Variants in EEF2K observed in about 807,000 individuals in gnomAD.
The protein encoded by EEF2K is alternative protein EEF2K.
In EEF2K, 70 loss-of-function variants were observed where a neutral mutation model predicts 93.8. The observed-to-expected ratio is 0.75, with a 90% CI of 0.62 to 0.91. The LOEUF (loss-of-function observed/expected upper bound fraction) is 0.91. Ranked by LOEUF, EEF2K falls within the 40% of genes least tolerant of loss-of-function variation. The pLI, the probability that EEF2K is intolerant of heterozygous loss-of-function variation, is 0.00. For missense variants in EEF2K, 935 were observed against 972.9 expected (o/e 0.96, Z 0.52); for synonymous variants, 376 against 380.8 (o/e 0.99, Z 0.15).
chr16:22,239,914 C>T (rs2047203841), intron 2 of EEF2K, among the ~76,000 whole-genome samples: 2 of 152,018 alleles, frequency 1.3e-5, no homozygotes, highest in South Asian at 4.1e-4. Context: ...ACCATCCTGG[C>T]CAACATGGTG....
chr16:22,232,216 C>G (rs1456574777), intron 2 of EEF2K, among the ~76,000 whole-genome samples: 1 of 151,810 alleles, frequency 6.6e-6, no homozygotes, highest in Non-Finnish European at 1.5e-5. Context: ...CTTCAGAACC[C>G]AGCTTTAATT....
intron 1 of EEF2K, among the ~76,000 whole-genome samples, chr16:22,210,694 C>T (rs1190942125): frequency 6.6e-6 from 1 of 152,126 alleles, no homozygotes; most frequent in African/African-American, 2.4e-5. Context: ...GCGACTAACT[C>T]CTGGGGTTCA....
chr16:22,226,003 C>G, intron 2 of EEF2K, 28 bp downstream of exon 2: 1 of 1,610,382 alleles, frequency 6.2e-7, no homozygotes, highest in Non-Finnish European at 8.5e-7. Flanking sequence ...TCCACCTTCC[C>G]CACCTGGCTT....
chr16:22,283,474 G>A lies in EEF2K; in HGVS notation c.2069-413G>A, dbSNP rs114267447. Among the ~76,000 whole-genome samples the A allele has an allele frequency of 5.4e-3, 825 of 152,124 alleles. 8 individuals carry two copies. Among genetic ancestry groups the A allele is most frequent in the African/African-American group, 0.019 (774 of 41,490 alleles). ...GCTGACATGAAGCTGTTTGTAAGTC[G>A]TTATTTCTTCCACTTTTGCACATCC... On this transcript the variant is annotated intron_variant, in intron 17 of 17. Transcript: ENST00000263026.
intron 6 of EEF2K, 54 bp downstream of exon 6, chr16:22,251,376 G>A: frequency 6.3e-7 from 1 of 1,583,366 alleles, no homozygotes; most frequent in Non-Finnish European, 8.6e-7. Flanking sequence ...TGGGCACAGT[G>A]TCTGGGAAAG....
At chr16:22,247,520 A>T (rs1278612592) in intron 3 of EEF2K, among the ~76,000 whole-genome samples, 1 of 152,074 alleles carries the variant, frequency 6.6e-6, no homozygotes, top group Admixed American at 6.6e-5. Context: ...TTATGGAATG[A>T]GACCCTCATT....
intron 16 of EEF2K, among the ~76,000 whole-genome samples, chr16:22,277,831 G>A (rs1458556652): frequency 1.3e-5 from 2 of 151,250 alleles, no homozygotes; most frequent in Non-Finnish European, 2.9e-5. Context: ...CTTAGTTCTG[G>A]AGGCTGGGAA....
chr16:22,274,891 A>C (rs189769969), intron 16 of EEF2K, among the ~76,000 whole-genome samples: 23 of 152,290 alleles, frequency 1.5e-4, no homozygotes, highest in Admixed American at 1.2e-3. Flanking sequence ...GGTGTGAGCC[A>C]CCACGCCTGA....
intron 1 of EEF2K, among the ~76,000 whole-genome samples, chr16:22,207,667 C>T (rs1341629169): frequency 6.6e-6 from 1 of 152,016 alleles, no homozygotes; most frequent in Non-Finnish European, 1.5e-5. Flanking sequence ...GAAGTCACAG[C>T]GAATTGAGTC....
At chr16:22,236,081 G>A (rs1349872056) in intron 2 of EEF2K, among the ~76,000 whole-genome samples, 2 of 152,152 alleles carry the variant, frequency 1.3e-5, no homozygotes, top group Non-Finnish European at 2.9e-5. Flanking sequence ...GGGATCACAG[G>A]CATGACCACT....
chr16:22,209,081 T>C (rs1457013037), intron 1 of EEF2K, among the ~76,000 whole-genome samples: 1 of 152,140 alleles, frequency 6.6e-6, no homozygotes, highest in Non-Finnish European at 1.5e-5. Context: ...CAGGCTGGAG[T>C]GCAGTAGTGT....
At chr16:22,224,119 A>T (rs1045776966) in intron 1 of EEF2K, among the ~76,000 whole-genome samples, 3 of 152,110 alleles carry the variant, frequency 2.0e-5, no homozygotes, top group African/African-American at 7.2e-5. Flanking sequence ...AGGCAGGAGA[A>T]TTGCTTGAAC....
intron 2 of EEF2K, among the ~76,000 whole-genome samples, chr16:22,230,165 T>C (rs1193491370): frequency 6.6e-6 from 1 of 152,112 alleles, no homozygotes; most frequent in Non-Finnish European, 1.5e-5. Flanking sequence ...TTACAGGCAT[T>C]GGTTCTCACA....
In EEF2K at chr16:22,251,637, C is replaced by T. The variant is rs1049915089; in HGVS notation, c.618+315C>T. On this transcript the variant is annotated intron_variant, in intron 6 of 17. Coordinates refer to ENST00000263026, the MANE Select transcript of EEF2K (RefSeq NM_013302.5). ...ATGTGGTTTCACCATGTTGGCCAGG[C>T]TGGTCTCGAACTCCTGACCTCAAGT... is the stretch of plus-strand genomic sequence containing the variant. Among the ~76,000 whole-genome samples, 30 of 152,198 alleles carry T rather than the reference C, an allele frequency of 2.0e-4. 1 individual carries two copies. Among genetic ancestry groups the T allele is most frequent in the African/African-American group, 7.0e-4 (29 of 41,542 alleles).
chr16:22,264,587 C>A (rs2047498813), intron 12 of EEF2K, among the ~76,000 whole-genome samples: 1 of 152,196 alleles, frequency 6.6e-6, no homozygotes, highest in Admixed American at 6.5e-5. Flanking sequence ...AGGGGGACAG[C>A]AAGGCTGTGA....
chr16:22,246,993 G>A (rs367865690), intron 3 of EEF2K, among the ~76,000 whole-genome samples: 6 of 118,872 alleles, frequency 5.0e-5, no homozygotes, highest in African/African-American at 1.7e-4. Context: ...AGCTGAGTTC[G>A]CCCCACTGCA....
intron 17 of EEF2K, among the ~76,000 whole-genome samples, chr16:22,283,467 G>T (rs1380896477): frequency 1.3e-5 from 2 of 152,132 alleles, no homozygotes; most frequent in African/African-American, 2.4e-5. Context: ...GAAGCTGTTT[G>T]TAAGTCGTTA....
intron 1 of EEF2K, among the ~76,000 whole-genome samples, chr16:22,210,061 T>G (rs2046900519): frequency 6.6e-6 from 1 of 152,130 alleles, no homozygotes; most frequent in Non-Finnish European, 1.5e-5. Flanking sequence ...TCCCAAAGTG[T>G]TAGGATCACA....
At chr16:22,238,351 GT>G (rs2141660835) in intron 2 of EEF2K, among the ~76,000 whole-genome samples, 1 of 152,190 alleles carries the variant, frequency 6.6e-6, no homozygotes, top group East Asian at 1.9e-4. Flanking sequence ...AGTATACCAA[GT>G]GTATGTGATC....
Sources: allele counts gnomAD v4.1 joint callset (sites outside exome capture counted in the v4.1 genomes callset), GRCh38; gene constraint gnomAD v4.1.1; transcripts MANE v1.5; gene names NCBI Gene and HGNC (gene_info 2026-07-23, HGNC 2026-07-21).